Variants in SEMA6D observed in about 807,000 individuals in gnomAD.
The protein encoded by SEMA6D is semaphorin 6D, also known as semaphorin-6D.
SEMA6D carries 35 observed loss-of-function variants against 106.6 expected under a neutral mutation model. The observed-to-expected ratio is 0.33, with a 90% CI of 0.25 to 0.44. The LOEUF is 0.44. Among genes scored for constraint, SEMA6D ranks in the 20% least tolerant of loss-of-function variants. SEMA6D has a pLI of 1.00. For synonymous variants in SEMA6D, 499 were observed against 487.7 expected (o/e 1.02, Z -0.31); for missense variants, 1,185 against 1,345.9 (o/e 0.88, Z 1.87).
At chr15:47,436,297 G>A (rs2041699190) in intron 2 of SEMA6D, among the ~76,000 whole-genome samples, 1 of 151,838 alleles carries the variant, frequency 6.6e-6, no homozygotes. Flanking sequence ...GGCTAAGGCA[G>A]GACCATCGCT....
chr15:47,715,351 GCA>G (rs1189956226), upstream of SEMA6D, among the ~76,000 whole-genome samples: 1 of 152,208 alleles, frequency 6.6e-6, no homozygotes, highest in African/African-American at 2.4e-5. Context: ...AATGGTAGCT[GCA>G]TAAAGAGTTA....
At chr15:47,486,801 C>T (rs2043309849) in intron 3 of SEMA6D, among the ~76,000 whole-genome samples, 1 of 152,242 alleles carries the variant, frequency 6.6e-6, no homozygotes, top group Non-Finnish European at 1.5e-5. Context: ...CTACCATTGA[C>T]TACAGATGTA....
chr15:47,224,508 A>G (rs2031484372), intron 1 of SEMA6D, among the ~76,000 whole-genome samples: 1 of 152,096 alleles, frequency 6.6e-6, no homozygotes, highest in Non-Finnish European at 1.5e-5. Flanking sequence ...ACATATAGGG[A>G]AACTGAAGTG....
intron 1 of SEMA6D, among the ~76,000 whole-genome samples, chr15:47,305,748 C>A (rs903024850): frequency 1.2e-4 from 19 of 152,198 alleles, no homozygotes; most frequent in Admixed American, 5.2e-4. Context: ...GACCACATGG[C>A]AGTTCTGGCT....
chr15:47,403,739 A>C (rs1208818704), intron 1 of SEMA6D, among the ~76,000 whole-genome samples: 1 of 152,158 alleles, frequency 6.6e-6, no homozygotes, highest in Non-Finnish European at 1.5e-5. Flanking sequence ...GCAATAACAT[A>C]GTCAAAGGCA....
chr15:47,667,870 G>A lies in SEMA6D; in HGVS notation c.-55+66974G>A, dbSNP rs115699672. Among the ~76,000 whole-genome samples the A allele has an allele frequency of 3.4e-3, 513 of 152,266 alleles. 4 individuals are homozygous for A. Among genetic ancestry groups the A allele is most frequent in the African/African-American group, 0.012 (491 of 41,548 alleles). On this transcript the variant is annotated intron_variant, in intron 4 of 19. Coordinates refer to the SEMA6D transcript ENST00000558014. ...AACCTGTGAGAACCCAGATAGCTTCGTAAACTGGAGCACTGATGCAGGTTC... is the reference window on the plus strand; with the variant it reads ...AACCTGTGAGAACCCAGATAGCTTCATAAACTGGAGCACTGATGCAGGTTC...
At chr15:47,385,065 T>TTTTTTTTTTTTTTTTTTA (rs35758807) in intron 1 of SEMA6D, among the ~76,000 whole-genome samples, 13 of 137,228 alleles carry the variant, frequency 9.5e-5, no homozygotes, top group Admixed American at 4.5e-4. Flanking sequence ...TTTTTTTTTT[T>TTTTTTTTTTTTTTTTTTA]ACCATAGAAC....
intron 4 of SEMA6D, among the ~76,000 whole-genome samples, chr15:47,641,126 C>G (rs192995750): frequency 2.0e-5 from 3 of 152,160 alleles, no homozygotes; most frequent in Non-Finnish European, 4.4e-5. Context: ...CGAGGGCTGC[C>G]GCAGTATCCA....
In SEMA6D at chr15:47,771,591, G is replaced by A; in HGVS notation, c.3028G>A (p.Asp1010Asn). The change falls in exon 19 of 19, where the codon GAC becomes AAC. Residue 1010 changes from aspartate to asparagine, a missense_variant. Physicochemically the swap from Asp to Asn is conservative, Grantham distance 23. Coordinates refer to ENST00000536845, the MANE Select transcript of SEMA6D (RefSeq NM_001358351.3). ...YMPTPTGAKV[D>N]YIQGTPVSVH... Reference sequence around the variant, plus strand: ...GCCCACCCCCACTGGGGCGAAGGTGGACTATATTCAGGGAACACCAGTGAG... The same window carrying A: ...GCCCACCCCCACTGGGGCGAAGGTGAACTATATTCAGGGAACACCAGTGAG... 6.2e-7 allele frequency: 1 copy of A among 1,614,138 alleles called. No individual in the cohort carries two copies. Among genetic ancestry groups the A allele is most frequent in the Non-Finnish European group, 8.5e-7 (1 of 1,179,990 alleles).
At chr15:47,492,205 GA>G (rs1480368303) in intron 3 of SEMA6D, among the ~76,000 whole-genome samples, 2 of 152,072 alleles carry the variant, frequency 1.3e-5, no homozygotes, top group Admixed American at 6.5e-5. Flanking sequence ...TAAACAAAGT[GA>G]AAGATAAAAG....
At chr15:47,655,826 A>C (rs2077782136) in intron 4 of SEMA6D, among the ~76,000 whole-genome samples, 1 of 152,218 alleles carries the variant, frequency 6.6e-6, no homozygotes, top group African/African-American at 2.4e-5. Flanking sequence ...TACTTGCCAA[A>C]ATATATTTAT....
intron 2 of SEMA6D, among the ~76,000 whole-genome samples, chr15:47,424,330 A>G (rs1448209754): frequency 6.6e-6 from 1 of 152,040 alleles, no homozygotes; most frequent in Non-Finnish European, 1.5e-5. Flanking sequence ...AAGATATTGC[A>G]TACATTTCAT....
chr15:47,602,709 C>T (rs1272602967), intron 4 of SEMA6D, among the ~76,000 whole-genome samples: 1 of 152,132 alleles, frequency 6.6e-6, no homozygotes, highest in African/African-American at 2.4e-5. Context: ...AAGCCTGGAT[C>T]TCATTATTGC....
chr15:47,270,458 CT>C (rs984145287), intron 1 of SEMA6D, among the ~76,000 whole-genome samples: 2 of 151,180 alleles, frequency 1.3e-5, no homozygotes, highest in Admixed American at 6.6e-5. Context: ...CCTTTTCCTT[CT>C]TTTTTTTTCC....
intron 2 of SEMA6D, among the ~76,000 whole-genome samples, chr15:47,458,547 A>G (rs1384628598): frequency 1.3e-5 from 2 of 152,074 alleles, no homozygotes; most frequent in Non-Finnish European, 2.9e-5. Context: ...AGGAATTAAT[A>G]GTAGAAATAT....
chr15:47,279,791 T>G lies in SEMA6D; in HGVS notation c.-239+95373T>G, dbSNP rs1179236071. ...CTGCATCTATTGAGATAATCATGTG[T>G]TTTTTGTCTTTGGTTCTGTTTATAT... On this transcript the variant is annotated intron_variant, in intron 1 of 19. Transcript: ENST00000558014. Among the ~76,000 whole-genome samples the G allele has an allele frequency of 2.7e-3, 413 of 151,142 alleles. 1 individual carries two copies. Among genetic ancestry groups the G allele is most frequent in the African/African-American group, 9.7e-3 (398 of 41,068 alleles).
At chr15:47,244,964 C>G (rs139483000) in intron 1 of SEMA6D, among the ~76,000 whole-genome samples, 1,924 of 151,986 alleles carry the variant, frequency 0.013, 51 homozygotes, top group African/African-American at 0.044. Context: ...TTTTCTGTTT[C>G]TGCAATAATT....
intron 1 of SEMA6D, among the ~76,000 whole-genome samples, chr15:47,192,055 A>T (rs1894000217): frequency 6.6e-6 from 1 of 152,190 alleles, no homozygotes; most frequent in African/African-American, 2.4e-5. Context: ...ATACACAACC[A>T]TGGTGTCATT....
chr15:47,587,977 G>C (rs1474388318), intron 3 of SEMA6D, among the ~76,000 whole-genome samples: 1 of 152,090 alleles, frequency 6.6e-6, no homozygotes, highest in Non-Finnish European at 1.5e-5. Context: ...AGAGTGGCTG[G>C]GAAGTTGCGT....
Sources: gnomAD v4.1 joint callset for allele counts (sites outside exome capture counted in the v4.1 genomes callset) on GRCh38, gnomAD v4.1.1 for gene constraint, MANE v1.5 for transcripts, NCBI Gene and HGNC (gene_info 2026-07-23, HGNC 2026-07-21) for gene names.